The following NLRP1 variants were observed in gnomAD, a reference collection of about 807,000 sequenced individuals.
NLRP1 encodes NACHT, LRR and PYD domains-containing protein 1.
Under a neutral mutation model 136.7 loss-of-function variants are expected in NLRP1, and 94 were observed. That is an observed-to-expected ratio of 0.69 (90% CI 0.58 to 0.82). The LOEUF is 0.82. Ranked by LOEUF, NLRP1 falls within the 40% of genes least tolerant of loss-of-function variation. The pLI is 0.00. For missense variants in NLRP1, 1,575 were observed against 1,802.7 expected, an observed-to-expected ratio of 0.87 and a Z score of 2.29; for synonymous variants, 690 against 725.1, an observed-to-expected ratio of 0.95 and a Z score of 0.78.
intron 3 of NLRP1, among the ~76,000 whole-genome samples, chr17:5,571,679 G>C (rs915054997): frequency 6.6e-6 from 1 of 152,102 alleles, no homozygotes; most frequent in Admixed American, 6.6e-5. Flanking sequence ...ACTACTCCAA[G>C]CAATTTACAG....
chr17:5,569,939 A>T (rs116957221), intron 3 of NLRP1, among the ~76,000 whole-genome samples: 22 of 152,196 alleles, frequency 1.4e-4, no homozygotes, highest in Non-Finnish European at 2.6e-4. Context: ...CTGCACAATT[A>T]AAAAAAATCA....
Position 5,539,529 on chromosome 17 carries a change from C to T in NLRP1, c.2756G>A (p.Ser919Asn), listed in dbSNP as rs750015659. 6 of 1,614,024 alleles carry T rather than the reference C, an allele frequency of 3.7e-6. No individual in the cohort carries two copies. In the East Asian group the frequency reaches 1.3e-4, roughly 36 times the overall value. Residue 919 changes from serine to asparagine, a missense_variant, in exon 7 of 17, where the codon AGT becomes AAT. Coordinates refer to ENST00000572272, the MANE Select transcript of NLRP1 (RefSeq NM_033004.4). Reference protein sequence around the residue: ...DCCQDLASVLSASPSLKELDL... With the variant: ...DCCQDLASVLNASPSLKELDL... ...TAGCTCCTTCAGGCTGGGGCTGGCA[C>T]TAAGCACAGAGGCCAGGTCCTGGCA...
intron 15 of NLRP1, among the ~76,000 whole-genome samples, chr17:5,516,525 A>G (rs1597392041): frequency 6.6e-6 from 1 of 152,242 alleles, no homozygotes; most frequent in South Asian, 2.1e-4. Flanking sequence ...ATTAAGACTG[A>G]TAAGAGGCAG....
intron 15 of NLRP1, among the ~76,000 whole-genome samples, chr17:5,516,818 C>A (rs770791929): frequency 3.9e-5 from 6 of 152,156 alleles, no homozygotes; most frequent in Non-Finnish European, 7.3e-5. Flanking sequence ...TAAAGCCCAT[C>A]CTCTTTCCAC....
chr17:5,570,999 A>G (rs988603741), intron 3 of NLRP1, among the ~76,000 whole-genome samples: 2 of 152,190 alleles, frequency 1.3e-5, no homozygotes, highest in African/African-American at 4.8e-5. Context: ...AAATAGAAGT[A>G]AAAAAGCCCC....
chr17:5,526,446 G>A (rs1235880287), intron 12 of NLRP1, among the ~76,000 whole-genome samples: 1 of 152,168 alleles, frequency 6.6e-6, no homozygotes, highest in Admixed American at 6.5e-5. Flanking sequence ...AGGTGGGCAG[G>A]GGGAGGGAGT....
chr17:5,512,421 G>A (rs1265543937), downstream of NLRP1: 29 of 901,408 alleles, frequency 3.2e-5, no homozygotes, highest in Admixed American at 9.1e-5. Flanking sequence ...TTTCAAGGGC[G>A]GCAGGGCAAT....
intron 4 of NLRP1, among the ~76,000 whole-genome samples, chr17:5,555,017 T>TCACACACA (rs55705436): frequency 0.014 from 2,012 of 142,394 alleles, 48 homozygotes; most frequent in African/African-American, 0.043. Context: ...TGAGATCCCA[T>TCACACACA]CACACACACA....
In NLRP1 at chr17:5,559,345, C is replaced by T. The variant is rs199708697; in HGVS notation, c.1351G>A (p.Glu451Lys). 4.2e-5 allele frequency: 68 copies of T among 1,613,834 alleles called. No homozygotes were observed. In the South Asian group the frequency reaches 4.8e-4, roughly 11 times the overall value. ...GSLLGKTILP[E>K]ASFLITARTT... ...CGAGCCGTGATCAGGAAGGATGCCT[C>T]GGGAAGTATAGTTTTCCCCAGCAAA... Residue 451 changes from glutamate to lysine, a missense_variant, in exon 4 of 17, where the codon GAG (glutamate) becomes AAG (lysine). Physicochemically the swap from Glu to Lys is moderately conservative, Grantham distance 56 (BLOSUM62 1). Transcript: ENST00000572272.
At chr17:5,580,381 A>T (rs1381637419) in intron 3 of NLRP1, among the ~76,000 whole-genome samples, 1 of 152,224 alleles carries the variant, frequency 6.6e-6, no homozygotes, top group African/African-American at 2.4e-5. Flanking sequence ...TAACTTACCT[A>T]TATAACAAAC....
downstream of NLRP1, among the ~76,000 whole-genome samples, chr17:5,513,301 G>C (rs1297049952): frequency 6.6e-6 from 1 of 151,756 alleles, no homozygotes; most frequent in East Asian, 1.9e-4. Flanking sequence ...TATGTTGCCC[G>C]GGCTAGTCTC....
rs1555543821 is a variant in NLRP1, at chr17:5,531,173, A to ATCTATCT, written c.3297-470_3297-469insAGATAGA. Among the ~76,000 whole-genome samples, 96 of 141,576 alleles carry ATCTATCT rather than the reference A, an allele frequency of 6.8e-4. 1 individual carries two copies. Among genetic ancestry groups the ATCTATCT allele is most frequent in the Middle Eastern group, 3.6e-3 (1 of 276 alleles). The allele number at this position is 141,576 out of a possible 152,430, so 92.9% of individuals were successfully genotyped here. A position where few individuals can be genotyped will look rare whatever the true frequency, so the allele number is the denominator to read the frequency against. On this transcript the variant is annotated intron_variant, in intron 11 of 16. Transcript: ENST00000572272. ...ATCTATCTATCTATCTAATCTATCT[A>ATCTATCT]ATCTATCTATCTATCTATCTATCTA...
At chr17:5,515,183 T>C (rs1907924062) in intron 16 of NLRP1, 110 bp from the exon 17 acceptor site, 1 of 1,046,704 alleles carries the variant, frequency 9.6e-7, no homozygotes, top group African/African-American at 1.6e-5. Flanking sequence ...CCTCCAGAAA[T>C]GCACCTGTGT....
At chr17:5,522,229 T>C (rs1024252711) in intron 12 of NLRP1, among the ~76,000 whole-genome samples, 12 of 152,226 alleles carry the variant, frequency 7.9e-5, no homozygotes, top group African/African-American at 2.9e-4. Context: ...AGTGCTATGG[T>C]CTTGAATGTC....
intron 3 of NLRP1, among the ~76,000 whole-genome samples, chr17:5,565,878 G>T (rs1166322994): frequency 1.3e-5 from 2 of 152,072 alleles, no homozygotes; most frequent in Non-Finnish European, 2.9e-5. Context: ...GTCTGTTTAG[G>T]TTTTGGATTT....
intron 5 of NLRP1, among the ~76,000 whole-genome samples, chr17:5,552,471 T>C (rs1323483630): frequency 6.6e-6 from 1 of 152,130 alleles, no homozygotes; most frequent in African/African-American, 2.4e-5. Flanking sequence ...TTGGATACCT[T>C]GAAAGGATCT....
chr17:5,533,057 A>G, intron 10 of NLRP1, 73 bp from the exon 11 acceptor site: 21 of 1,499,620 alleles, frequency 1.4e-5, no homozygotes, highest in Non-Finnish European at 1.8e-5. Flanking sequence ...GCTGCACTGT[A>G]AGGGGCCCTT....
intron 3 of NLRP1, among the ~76,000 whole-genome samples, chr17:5,560,684 C>T (rs1432621095): frequency 6.6e-6 from 1 of 152,214 alleles, no homozygotes; most frequent in Non-Finnish European, 1.5e-5. Flanking sequence ...ATGTTCTCAC[C>T]GTCTCCCAGA....
intron 16 of NLRP1, 134 bp from the exon 17 acceptor site, chr17:5,515,207 A>G: frequency 1.1e-6 from 1 of 907,868 alleles, no homozygotes; most frequent in East Asian, 2.6e-5. Flanking sequence ...CCCTCATGGC[A>G]GCATCTAGCT....
Sources: gnomAD v4.1 joint callset for allele counts (sites outside exome capture counted in the v4.1 genomes callset) on GRCh38, gnomAD v4.1.1 for gene constraint, MANE v1.5 for transcripts, NCBI Gene and HGNC (gene_info 2026-07-23, HGNC 2026-07-21) for gene names.